The following ANO1 variants were observed in gnomAD, a reference collection of about 807,000 sequenced individuals.
ANO1 encodes the protein anoctamin 1.
In ANO1, 59 loss-of-function variants were observed where a neutral mutation model predicts 124.0. The ratio of observed to expected loss-of-function variants is 0.48; its 90% CI spans 0.39 to 0.59. The LOEUF (loss-of-function observed/expected upper bound fraction) is 0.59. Among genes scored for constraint, ANO1 ranks in the 20% least tolerant of loss-of-function variants. ANO1 has a pLI of 0.00. For missense variants in ANO1, 1,059 were observed against 1,328.0 expected, an observed-to-expected ratio of 0.80 and a Z score of 3.15; for synonymous variants, 529 against 532.0, an observed-to-expected ratio of 0.99 and a Z score of 0.08.
At chr11:70,179,476 AC>A (rs749502268) in intron 22 of ANO1, among the ~76,000 whole-genome samples, 2 of 152,018 alleles carry the variant, frequency 1.3e-5, no homozygotes, top group African/African-American at 4.8e-5. Flanking sequence ...GATTTGGTGC[AC>A]CCCTGGGTCT....
At chr11:70,165,351 G>A (rs1490357714) in intron 19 of ANO1, 119 bp from the exon 20 acceptor site, 1 of 797,094 alleles carries the variant, frequency 1.3e-6, no homozygotes, top group Non-Finnish European at 2.1e-6. Flanking sequence ...ATTAGAACCT[G>A]AGCGTCTTTT....
intron 25 of ANO1, among the ~76,000 whole-genome samples, chr11:70,187,288 G>A (rs1468188582): frequency 6.6e-6 from 1 of 152,234 alleles, no homozygotes; most frequent in Non-Finnish European, 1.5e-5. Flanking sequence ...ACTGACTTAT[G>A]TTGCCTTCTA....
chr11:70,091,565 A>T (rs2044626523), intron 2 of ANO1, among the ~76,000 whole-genome samples: 1 of 152,192 alleles, frequency 6.6e-6, no homozygotes, highest in Non-Finnish European at 1.5e-5. Flanking sequence ...TGAAGGCTGG[A>T]TGAGGAGGCA....
chr11:69,977,231 C>T, the ANO1 span, among the ~76,000 whole-genome samples: 5 of 152,194 alleles, frequency 3.3e-5, no homozygotes, highest in African/African-American at 7.2e-5. Flanking sequence ...CTAGCGAGTC[C>T]GGTTCTGTGT....
At chr11:69,974,611 C>T in the ANO1 span, among the ~76,000 whole-genome samples, 1 of 152,230 alleles carries the variant, frequency 6.6e-6, no homozygotes, top group Non-Finnish European at 1.5e-5. Context: ...GGGGACCCAC[C>T]TGTGGATGAC....
rs575062542 is a variant in ANO1, at chr11:70,098,877, T to A, written c.442-4189T>A. Among the ~76,000 whole-genome samples, 299 of 152,274 alleles carry A rather than the reference T, an allele frequency of 2.0e-3. 2 individuals are homozygous for A. Among genetic ancestry groups the A allele is most frequent in the Non-Finnish European group, 1.8e-3 (125 of 68,012 alleles). ...TGGGGACTCACTTCTCCTTTCTGTT[T>A]GTGATTTTCTTCTTTCTTCTGAAAC... On this transcript the variant is annotated intron_variant, in intron 2 of 25. Coordinates refer to ENST00000355303, the MANE Select transcript of ANO1 (RefSeq NM_018043.7).
chr11:69,980,363 C>G, the ANO1 span, among the ~76,000 whole-genome samples: 1 of 152,148 alleles, frequency 6.6e-6, no homozygotes. Context: ...GTGGCTCACA[C>G]CTGTAATCCC....
At chr11:70,022,282 C>A (rs1205026992) in intron 1 of ANO1, among the ~76,000 whole-genome samples, 4 of 152,160 alleles carry the variant, frequency 2.6e-5, no homozygotes, top group Non-Finnish European at 4.4e-5. Context: ...GGTTCTGGCA[C>A]ACAGTAGGTG....
chr11:70,115,383 C>T (rs911792950), intron 7 of ANO1, among the ~76,000 whole-genome samples: 5 of 151,832 alleles, frequency 3.3e-5, no homozygotes, highest in Non-Finnish European at 7.4e-5. Flanking sequence ...GAGGCCGAGG[C>T]GAGCGGATCA....
At chr11:70,030,171 G>T (rs573649023) in intron 1 of ANO1, among the ~76,000 whole-genome samples, 1 of 152,306 alleles carries the variant, frequency 6.6e-6, no homozygotes, top group African/African-American at 2.4e-5. Context: ...AAAAACACTT[G>T]GCCTGAGATG....
At chr11:70,000,532 A>C (rs1395246384) in intron 1 of ANO1, among the ~76,000 whole-genome samples, 1 of 152,214 alleles carries the variant, frequency 6.6e-6, no homozygotes, top group Non-Finnish European at 1.5e-5. Context: ...TTTGGCAAGA[A>C]CATGGAGCAA....
intron 1 of ANO1, chr11:70,014,829 G>GTTTTTTT (rs5792503): frequency 2.1e-5 from 3 of 140,578 alleles, no homozygotes; most frequent in Non-Finnish European, 3.1e-5. Context: ...TTTTGTTTTT[G>GTTTTTTT]TTTTTTTTTT....
At chr11:70,161,788 G>T in intron 18 of ANO1, 55 bp downstream of exon 18, 3 of 1,551,820 alleles carry the variant, frequency 1.9e-6, no homozygotes, top group Non-Finnish European at 2.7e-6. Flanking sequence ...CCAGGAGAGG[G>T]CTCTCCCTCC....
intron 1 of ANO1, among the ~76,000 whole-genome samples, chr11:70,037,696 C>T (rs1857117362): frequency 6.6e-6 from 1 of 152,158 alleles, no homozygotes; most frequent in African/African-American, 2.4e-5. Context: ...AAACTCTATA[C>T]CCGAAGCACC....
chr11:70,132,705 G>T (rs1014883607), intron 11 of ANO1, among the ~76,000 whole-genome samples: 1 of 152,210 alleles, frequency 6.6e-6, no homozygotes, highest in Admixed American at 6.5e-5. Context: ...GGGCTTGGGA[G>T]GTTGGTAAGT....
chr11:70,003,313 C>T (rs1036377966), intron 1 of ANO1, among the ~76,000 whole-genome samples: 7 of 152,288 alleles, frequency 4.6e-5, no homozygotes, highest in South Asian at 2.1e-4. Context: ...CAGGCAAAAT[C>T]GGTCAATATT....
intron 1 of ANO1, among the ~76,000 whole-genome samples, chr11:70,028,683 AG>A (rs1240778047): frequency 4.5e-4 from 69 of 152,196 alleles, no homozygotes; most frequent in African/African-American, 1.6e-3. Flanking sequence ...TGGGTCTTGA[AG>A]GGCGCGAGCA....
At chr11:70,104,296 G>C (rs2045400456) in intron 4 of ANO1, 146 bp downstream of exon 4, 1 of 947,820 alleles carries the variant, frequency 1.1e-6, no homozygotes, top group Non-Finnish European at 1.5e-6. Flanking sequence ...CCCAGAAGAG[G>C]CTGTGGAAAT....
At chr11:70,166,604 T>A (rs2048264164) in intron 20 of ANO1, among the ~76,000 whole-genome samples, 2 of 152,180 alleles carry the variant, frequency 1.3e-5, no homozygotes, top group South Asian at 4.1e-4. Context: ...CCATTTTCCA[T>A]GATCTGTGTC....
Sources: allele counts gnomAD v4.1 joint callset (sites outside exome capture counted in the v4.1 genomes callset), GRCh38; gene constraint gnomAD v4.1.1; transcripts MANE v1.5; gene names NCBI Gene and HGNC (gene_info 2026-07-23, HGNC 2026-07-21).